The following PRKN variants were observed in gnomAD, a reference collection of about 807,000 sequenced individuals.
PRKN encodes E3 ubiquitin-protein ligase parkin.
A neutral mutation model predicts 59.5 loss-of-function variants in PRKN; 56 were observed. The observed-to-expected ratio is 0.94, with a 90% CI of 0.76 to 1.18. PRKN has a LOEUF of 1.18. Ranked by LOEUF, PRKN falls within the 50% of genes most tolerant of loss-of-function variation. PRKN has a pLI of 0.00. For missense variants in PRKN, 657 were observed against 596.4 expected (o/e 1.10, Z -1.06); for synonymous variants, 250 against 222.1 (o/e 1.13, Z -1.12).
At chr6:162,370,722 A>C (rs1167353798) in intron 2 of PRKN, among the ~76,000 whole-genome samples, 2 of 152,208 alleles carry the variant, frequency 1.3e-5, no homozygotes, top group Non-Finnish European at 2.9e-5. Flanking sequence ...ATACAGTCAT[A>C]GCAACTAATT....
At chr6:162,145,681 C>T (rs1197360840) in intron 4 of PRKN, among the ~76,000 whole-genome samples, 1 of 152,106 alleles carries the variant, frequency 6.6e-6, no homozygotes, top group Non-Finnish European at 1.5e-5. Flanking sequence ...CCAAATACCC[C>T]CAGAGGTTTC....
chr6:161,753,681 T>C (rs1788789812), intron 7 of PRKN, among the ~76,000 whole-genome samples: 1 of 151,764 alleles, frequency 6.6e-6, no homozygotes, highest in Non-Finnish European at 1.5e-5. Context: ...CAACCCCGAG[T>C]GGGGGAGCCC....
intron 4 of PRKN, among the ~76,000 whole-genome samples, chr6:162,089,106 T>C (rs949090578): frequency 1.3e-5 from 2 of 152,034 alleles, no homozygotes; most frequent in African/African-American, 4.8e-5. Context: ...TACAGTAAAA[T>C]GACAACCCAC....
At chr6:162,146,773 G>T (rs967644358) in intron 4 of PRKN, among the ~76,000 whole-genome samples, 1 of 151,892 alleles carries the variant, frequency 6.6e-6, no homozygotes, top group Non-Finnish European at 1.5e-5. Context: ...CCAAAGTGCT[G>T]GGGTTACAGG....
chr6:162,245,792 G>A (rs369786764), intron 3 of PRKN, among the ~76,000 whole-genome samples: 1 of 152,220 alleles, frequency 6.6e-6, no homozygotes, highest in East Asian at 1.9e-4. Context: ...CACAGTGATT[G>A]GGAATTGCCT....
At chr6:161,960,052 T>A (rs774908546) in intron 6 of PRKN, among the ~76,000 whole-genome samples, 3 of 152,128 alleles carry the variant, frequency 2.0e-5, no homozygotes. Flanking sequence ...GATCCTAAAC[T>A]CCAGGGCTTC....
At chr6:161,368,382 GAT>G (rs34367069) in intron 10 of PRKN, among the ~76,000 whole-genome samples, 5,255 of 99,184 alleles carry the variant, frequency 0.053, 522 homozygotes, top group African/African-American at 0.2. Flanking sequence ...CCTCAGTCTT[GAT>G]ATATATATAT....
intron 2 of PRKN, among the ~76,000 whole-genome samples, chr6:162,376,657 T>A (rs1391050608): frequency 6.7e-6 from 1 of 148,862 alleles, no homozygotes; most frequent in Non-Finnish European, 1.5e-5. Flanking sequence ...TGTGTAAACA[T>A]ACTAGACAGC....
intron 6 of PRKN, among the ~76,000 whole-genome samples, chr6:161,903,548 G>T (rs925205813): frequency 4.6e-5 from 7 of 152,138 alleles, no homozygotes; most frequent in African/African-American, 1.7e-4. Flanking sequence ...TAGGGTGAAT[G>T]AACATCAAAT....
chr6:162,561,475 A>C (rs1201931437), intron 1 of PRKN, among the ~76,000 whole-genome samples: 1 of 152,050 alleles, frequency 6.6e-6, no homozygotes, highest in African/African-American at 2.4e-5. Context: ...CATAGGAAAA[A>C]CACCTTCTTA....
At chr6:162,046,456 G>C (rs1052625498) in intron 5 of PRKN, among the ~76,000 whole-genome samples, 4 of 152,230 alleles carry the variant, frequency 2.6e-5, no homozygotes, top group Admixed American at 1.3e-4. Flanking sequence ...CAAGAAGTAT[G>C]TATTTTGGAA....
At chr6:162,356,180 A>C (rs1184417155) in intron 2 of PRKN, among the ~76,000 whole-genome samples, 1 of 152,162 alleles carries the variant, frequency 6.6e-6, no homozygotes, top group Non-Finnish European at 1.5e-5. Flanking sequence ...CTTGGTCACT[A>C]CTACTTAGCA....
chr6:161,763,303 T>C (rs1041767224), intron 7 of PRKN, among the ~76,000 whole-genome samples: 10 of 152,124 alleles, frequency 6.6e-5, no homozygotes, highest in Admixed American at 1.3e-4. Context: ...ACAGGTGATG[T>C]AGATGCATGG....
chr6:161,900,760 T>C (rs1777877418), intron 6 of PRKN, among the ~76,000 whole-genome samples: 1 of 71,920 alleles, frequency 1.4e-5, no homozygotes, highest in Non-Finnish European at 2.6e-5. Flanking sequence ...TAAATATAAA[T>C]ATATACAACA....
At chr6:162,679,602 T>TA (rs1447461881) in intron 1 of PRKN, among the ~76,000 whole-genome samples, 1 of 152,166 alleles carries the variant, frequency 6.6e-6, no homozygotes, top group Non-Finnish European at 1.5e-5. Context: ...AAATATGTCT[T>TA]AACTGACATA....
At chr6:162,500,570 T>C (rs928747023) in intron 1 of PRKN, among the ~76,000 whole-genome samples, 3 of 152,206 alleles carry the variant, frequency 2.0e-5, no homozygotes, top group African/African-American at 7.2e-5. Flanking sequence ...CAGATTTTCA[T>C]AGGCTGTGAA....
rs1343265664 is a variant in PRKN at position 161,902,552 on chromosome 6, A to ATCTATTTTTTTTTTTTTTTTTTTTTT, written c.734+70749_734+70750insAAAAAAAAAAAAAAAAAAAAAATAGA. On this transcript the variant is annotated intron_variant, in intron 6 of 11. Coordinates refer to ENST00000366898, the MANE Select transcript of PRKN (RefSeq NM_004562.3). ...TATCTATCTATCTATCTATCTATTT[A>ATCTATTTTTTTTTTTTTTTTTTTTTT]TTTATTTATTTATTTTTTTTTTTTT... Among the ~76,000 whole-genome samples the ATCTATTTTTTTTTTTTTTTTTTTTTT allele has an allele frequency of 2.5e-5, 3 of 121,052 alleles. 1 individual carries two copies. Among genetic ancestry groups the ATCTATTTTTTTTTTTTTTTTTTTTTT allele is most frequent in the Non-Finnish European group, 3.4e-5 (2 of 58,038 alleles). The allele number at this position is 121,052 out of a possible 152,430, so 79.4% of individuals were successfully genotyped here.
chr6:162,064,918 C>T (rs1178165009), intron 4 of PRKN, among the ~76,000 whole-genome samples: 1 of 152,178 alleles, frequency 6.6e-6, no homozygotes, highest in Non-Finnish European at 1.5e-5. Flanking sequence ...GGGCCCTCCC[C>T]ACAGAAAACA....
At chr6:162,151,117 A>G (rs1782253199) in intron 4 of PRKN, among the ~76,000 whole-genome samples, 2 of 152,208 alleles carry the variant, frequency 1.3e-5, no homozygotes, top group Non-Finnish European at 2.9e-5. Context: ...ACAATACTGA[A>G]GAATGTAAGA....
Sources: allele counts gnomAD v4.1 joint callset (sites outside exome capture counted in the v4.1 genomes callset), GRCh38; gene constraint gnomAD v4.1.1; transcripts MANE v1.5; gene names NCBI Gene and HGNC (gene_info 2026-07-23, HGNC 2026-07-21).